TANGO2: variants seen among roughly 807,000 people sequenced by gnomAD.
TANGO2 encodes transport and golgi organization 2 homolog.
TANGO2 carries 26 observed loss-of-function variants against 39.1 expected under a neutral mutation model. That is an observed-to-expected ratio of 0.67 (90% CI 0.49 to 0.92). TANGO2 has a LOEUF of 0.92. TANGO2 is among the 40% of genes least tolerant of loss of function. TANGO2 has a pLI of 0.00. For missense variants in TANGO2, 326 were observed against 360.1 expected, an observed-to-expected ratio of 0.91 and a Z score of 0.77; for synonymous variants, 131 against 144.5, an observed-to-expected ratio of 0.91 and a Z score of 0.67.
At position 20,065,931 on chromosome 22, in the gene TANGO2, G is replaced by A. The variant is rs566988188; in HGVS notation, c.*1269G>A. 1 of 152,328 alleles carries A rather than the reference G, an allele frequency of 6.6e-6. No homozygotes were observed. The highest frequency in any genetic ancestry group is 1.9e-4 in the East Asian group (1 of 5,178). The allele number at this position is 152,328 out of a possible 1,614,324, so 9.4% of individuals were successfully genotyped here. ...TCTGAGGCTTTGGTGAGCGCATTTC[G>A]AGGCCTTTCCCTTGTATGCAGGGTG... On this transcript the variant is annotated 3_prime_UTR_variant, in exon 9 of 9. Coordinates refer to ENST00000327374, the MANE Select transcript of TANGO2 (RefSeq NM_152906.7).
At chr22:20,045,409 G>A (rs190766684) in intron 3 of TANGO2, among the ~76,000 whole-genome samples, 24 of 151,806 alleles carry the variant, frequency 1.6e-4, no homozygotes, top group Admixed American at 5.3e-4. Flanking sequence ...ACTGCAGTTA[G>A]CCTAGGCAAC....
chr22:20,030,381 C>G (rs545581663), intron 1 of TANGO2, among the ~76,000 whole-genome samples: 1 of 151,918 alleles, frequency 6.6e-6, no homozygotes, highest in Non-Finnish European at 1.5e-5. Flanking sequence ...GAGTCTTGCT[C>G]TGTTGCCCAG....
Position 20,063,946 on chromosome 22 carries a change from C to G in TANGO2, c.710+504C>G, listed in dbSNP as rs77744210. Among the ~76,000 whole-genome samples, 681 of 152,384 alleles carry G rather than the reference C, an allele frequency of 4.5e-3. 2 individuals are homozygous for G. Among genetic ancestry groups the G allele is most frequent in the African/African-American group, 0.015 (643 of 41,598 alleles). Reference sequence around the variant, plus strand: ...GCTGGGTCCCACCCCACGGGGTGCACTGCGTATGTGTCTGCCCTGGGAACC... The same window carrying G: ...GCTGGGTCCCACCCCACGGGGTGCAGTGCGTATGTGTCTGCCCTGGGAACC... On this transcript the variant is annotated intron_variant, in intron 8 of 8. Coordinates refer to ENST00000327374, the MANE Select transcript of TANGO2 (RefSeq NM_152906.7).
At chr22:20,060,957 A>G (rs1168138442) in intron 6 of TANGO2, among the ~76,000 whole-genome samples, 1 of 152,174 alleles carries the variant, frequency 6.6e-6, no homozygotes, top group African/African-American at 2.4e-5. Context: ...GCCTTCTGCC[A>G]ACACTCTGGG....
chr22:20,047,239 T>G (rs1030429579), intron 3 of TANGO2, among the ~76,000 whole-genome samples: 5 of 150,906 alleles, frequency 3.3e-5, no homozygotes, highest in Middle Eastern at 3.4e-3. Context: ...TTTGTTTTTT[T>G]TTTTTTTTTT....
At chr22:20,034,129 CG>C (rs2042378816) in intron 1 of TANGO2, among the ~76,000 whole-genome samples, 1 of 152,144 alleles carries the variant, frequency 6.6e-6, no homozygotes, top group African/African-American at 2.4e-5. Flanking sequence ...TGCTTGAACT[CG>C]GGGGGCGGAG....
chr22:20,064,982 G>T lies in TANGO2; in HGVS notation c.*320G>T. 3.2e-6 allele frequency: 1 copy of T among 309,602 alleles called. No homozygotes were observed. Among genetic ancestry groups the T allele is most frequent in the Non-Finnish European group, 6.1e-6 (1 of 163,276 alleles). 19.2% of individuals were successfully genotyped at this position (309,602 alleles called of 1,614,324 possible). A position where few individuals can be genotyped will look rare whatever the true frequency, so the allele number is the denominator to read the frequency against. On this transcript the variant is annotated 3_prime_UTR_variant, in exon 9 of 9. Transcript: ENST00000327374. ...TCACATGGCACACACATACACTCCT[G>T]CGTGTGCACAAGCACACACATGCAA...
At chr22:20,045,092 C>G (rs2044859002) in intron 3 of TANGO2, among the ~76,000 whole-genome samples, 1 of 152,058 alleles carries the variant, frequency 6.6e-6, no homozygotes, top group Non-Finnish European at 1.5e-5. Flanking sequence ...CAGTGGTTCT[C>G]CAGGTGTGGT....
At chr22:20,054,213 T>C (rs73877127) in intron 5 of TANGO2, 12,349 of 211,048 alleles carry the variant, frequency 0.059, 708 homozygotes, top group African/African-American at 0.15. Context: ...TGCCCAGCCC[T>C]GCCCCACATG....
At chr22:20,027,022 G>A (rs2146786554) in intron 1 of TANGO2, among the ~76,000 whole-genome samples, 1 of 152,318 alleles carries the variant, frequency 6.6e-6, no homozygotes, top group Non-Finnish European at 1.5e-5. Context: ...TCTGCAAGGT[G>A]CACAGGAAGC....
intron 7 of TANGO2, 54 bp downstream of exon 7, chr22:20,061,737 A>T: frequency 6.7e-7 from 1 of 1,489,044 alleles, no homozygotes. Flanking sequence ...ACCAGGGCAG[A>T]GGGAAAGGCA....
chr22:20,045,499 C>CTTT (rs695487), intron 3 of TANGO2, among the ~76,000 whole-genome samples: 79 of 112,458 alleles, frequency 7.0e-4, no homozygotes, highest in Non-Finnish European at 1.1e-3. Flanking sequence ...GCCATCACTT[C>CTTT]TTTTTTTTTT....
intron 3 of TANGO2, among the ~76,000 whole-genome samples, chr22:20,049,987 T>C (rs1374694947): frequency 1.6e-4 from 25 of 152,080 alleles, no homozygotes; most frequent in Admixed American, 1.6e-3. Flanking sequence ...GGCGGGCCGA[T>C]CATGAGATCA....
chr22:20,025,888 G>C (rs2040646197), intron 1 of TANGO2, among the ~76,000 whole-genome samples: 2 of 152,202 alleles, frequency 1.3e-5, no homozygotes, highest in African/African-American at 4.8e-5. Flanking sequence ...CCAGACACCT[G>C]AGAATGCATT....
upstream of TANGO2, chr22:20,019,107 A>G (rs1015987498): frequency 6.6e-6 from 1 of 152,208 alleles, no homozygotes; most frequent in Non-Finnish European, 1.5e-5. Flanking sequence ...AAAGAAAAAG[A>G]TAAGAAAAAC....
chr22:20,058,734 G>C (rs2047840355), intron 6 of TANGO2, among the ~76,000 whole-genome samples: 1 of 152,100 alleles, frequency 6.6e-6, no homozygotes, highest in African/African-American at 2.4e-5. Flanking sequence ...ACCCGGAAGA[G>C]AGAGTCTCTA....
At chr22:20,052,427 G>A (rs772499178) in intron 3 of TANGO2, 38 bp from the exon 4 acceptor site, 28 of 1,570,722 alleles carry the variant, frequency 1.8e-5, no homozygotes, top group Admixed American at 3.7e-5. Flanking sequence ...GACTGGAATG[G>A]GTGGCATCAA....
At chr22:20,044,327 A>G (rs77046301) in intron 3 of TANGO2, among the ~76,000 whole-genome samples, 21,514 of 152,136 alleles carry the variant, frequency 0.14, 2,461 homozygotes, top group East Asian at 0.54. Flanking sequence ...GTTCAAGACC[A>G]GTCTGGGCAA....
intron 1 of TANGO2, among the ~76,000 whole-genome samples, chr22:20,027,580 G>T (rs1267471115): frequency 6.6e-6 from 1 of 152,064 alleles, no homozygotes; most frequent in East Asian, 1.9e-4. Context: ...ACACTCTGGC[G>T]CCACAGGCAG....
Sources: gnomAD v4.1 joint callset for allele counts (sites outside exome capture counted in the v4.1 genomes callset) on GRCh38, gnomAD v4.1.1 for gene constraint, MANE v1.5 for transcripts, NCBI Gene and HGNC (gene_info 2026-07-23, HGNC 2026-07-21) for gene names.